Variants in RHEB observed in about 807,000 individuals in gnomAD.
RHEB encodes GTP-binding protein Rheb.
Under a neutral mutation model 28.8 loss-of-function variants are expected in RHEB, and 2 were observed. The observed-to-expected ratio is 0.07, with a 90% CI of 0.03 to 0.22. The LOEUF is 0.22. Among genes scored for constraint, RHEB ranks in the 10% least tolerant of loss-of-function variants. The pLI, the probability that RHEB is intolerant of heterozygous loss-of-function variation, is 1.00. For missense variants in RHEB, 76 were observed against 219.9 expected (o/e 0.35, Z 4.14); for synonymous variants, 69 against 77.3 (o/e 0.89, Z 0.56).
rs116121207 is a variant in RHEB, at chr7:151,489,085, C to T, written c.124+1858G>A. On this transcript the variant is annotated intron_variant, in intron 2 of 7. Transcript: ENST00000262187. ...CTGAGACTACAGGCACACACCATCA[C>T]GCCCAGCTAATTCCAGCTCAGTATG... 6.3e-3 allele frequency among the ~76,000 whole-genome samples: 962 copies of T among 152,274 alleles called. 5 individuals are homozygous for T. Among genetic ancestry groups the T allele is most frequent in the African/African-American group, 0.021 (870 of 41,550 alleles).
intron 1 of RHEB, among the ~76,000 whole-genome samples, chr7:151,492,522 C>G (rs1241712143): frequency 6.6e-6 from 1 of 150,538 alleles, no homozygotes; most frequent in Non-Finnish European, 1.5e-5. Context: ...GAGGCTGAGG[C>G]AGGAGGATAG....
At chr7:151,498,028 A>G (rs572788364) in intron 1 of RHEB, 17 of 966,414 alleles carry the variant, frequency 1.8e-5, no homozygotes, top group Middle Eastern at 2.4e-4. Context: ...ACACTTGACC[A>G]TGAAGATGAA....
chr7:151,512,298 A>G (rs1035100042), intron 1 of RHEB, among the ~76,000 whole-genome samples: 1 of 152,166 alleles, frequency 6.6e-6, no homozygotes, highest in Admixed American at 6.5e-5. Context: ...ACCTTCCACA[A>G]TCACAGGTAG....
At chr7:151,500,247 CT>C (rs1200427297) in intron 1 of RHEB, among the ~76,000 whole-genome samples, 1 of 152,026 alleles carries the variant, frequency 6.6e-6, no homozygotes, top group Non-Finnish European at 1.5e-5. Flanking sequence ...AAAAACTGGA[CT>C]TTTTTTAGTC....
intron 3 of RHEB, among the ~76,000 whole-genome samples, chr7:151,479,991 ATTAAAAGTACACTGCATTT>A (rs1197943924): frequency 1.3e-5 from 2 of 152,236 alleles, no homozygotes; most frequent in Non-Finnish European, 2.9e-5. Context: ...AAAGTGCATT[ATTAAAAGTACACTGCATTT>A]TTAAAAGTAC....
chr7:151,473,059 C>T (rs895113254), intron 4 of RHEB, among the ~76,000 whole-genome samples: 1 of 152,240 alleles, frequency 6.6e-6, no homozygotes, highest in African/African-American at 2.4e-5. Flanking sequence ...GCTCCCAGAT[C>T]TCCTGCTCTC....
At chr7:151,493,101 A>G (rs1188075801) in intron 1 of RHEB, among the ~76,000 whole-genome samples, 1 of 152,018 alleles carries the variant, frequency 6.6e-6, no homozygotes, top group Non-Finnish European at 1.5e-5. Context: ...TCGGCCTCCC[A>G]AAGTGCTGGG....
rs569330016 is a variant in RHEB at position 151,487,640 on chromosome 7, G to C, written c.125-2836C>G. On this transcript the variant is annotated intron_variant, in intron 2 of 7. Transcript: ENST00000262187. ...TCCATCTTGCTGTCATAGGAAAACT[G>C]CCAGTTTTTTACTATAGAAAAAAGG... 1.9e-3 allele frequency among the ~76,000 whole-genome samples: 288 copies of C among 152,212 alleles called. 2 individuals are homozygous for C. Among genetic ancestry groups the C allele is most frequent in the Non-Finnish European group, 2.8e-3 (190 of 68,004 alleles).
chr7:151,484,009 T>C (rs555952646), intron 3 of RHEB, among the ~76,000 whole-genome samples: 23 of 152,320 alleles, frequency 1.5e-4, no homozygotes, highest in Admixed American at 1.4e-3. Flanking sequence ...CATTATCTAC[T>C]GTCTATCAAA....
chr7:151,508,631 T>C (rs1187996756), intron 1 of RHEB, among the ~76,000 whole-genome samples: 1 of 136,792 alleles, frequency 7.3e-6, no homozygotes, highest in Non-Finnish European at 1.6e-5. Context: ...GGTTATATTT[T>C]TAGTTTTTTT....
intron 1 of RHEB, among the ~76,000 whole-genome samples, chr7:151,505,911 G>A (rs1802864872): frequency 6.6e-6 from 1 of 151,990 alleles, no homozygotes; most frequent in Admixed American, 6.5e-5. Context: ...ATGATTCGAT[G>A]TATGTGAAAT....
At chr7:151,467,233 A>G (rs771926122) in intron 7 of RHEB, 22 bp from the exon 8 acceptor site, 30 of 1,547,662 alleles carry the variant, frequency 1.9e-5, no homozygotes, top group Non-Finnish European at 2.4e-5. Flanking sequence ...AAGAAACCCA[A>G]TCACAGTGTT....
At chr7:151,503,298 T>TA (rs1266505242) in intron 1 of RHEB, 6 of 802,236 alleles carry the variant, frequency 7.5e-6, no homozygotes, top group Admixed American at 3.4e-5. Flanking sequence ...CTAACAACTA[T>TA]AAAAAATTTG....
intron 3 of RHEB, among the ~76,000 whole-genome samples, chr7:151,478,572 A>G (rs1053406989): frequency 6.6e-6 from 1 of 152,212 alleles, no homozygotes; most frequent in African/African-American, 2.4e-5. Flanking sequence ...ATGTCTAAGA[A>G]GCACTGAGTA....
intron 1 of RHEB, chr7:151,501,929 A>T (rs2150934451): frequency 1.4e-6 from 1 of 720,988 alleles, no homozygotes; most frequent in Admixed American, 1.8e-5. Context: ...CTGGAAGATC[A>T]AGAAGCTCAT....
At chr7:151,474,008 TG>T (rs535966314) in intron 4 of RHEB, among the ~76,000 whole-genome samples, 70 of 152,328 alleles carry the variant, frequency 4.6e-4, no homozygotes, top group African/African-American at 1.7e-3. Context: ...GAAGTCATAA[TG>T]GACAAATCGT....
intron 3 of RHEB, among the ~76,000 whole-genome samples, chr7:151,482,475 A>T (rs1165114072): frequency 6.6e-6 from 1 of 152,238 alleles, no homozygotes; most frequent in Non-Finnish European, 1.5e-5. Context: ...GTGTAACCCC[A>T]GGGCCCACAC....
At chr7:151,496,084 G>A (rs965874859) in intron 1 of RHEB, among the ~76,000 whole-genome samples, 1 of 152,194 alleles carries the variant, frequency 6.6e-6, no homozygotes, top group Admixed American at 6.5e-5. Context: ...TAGAACCGAT[G>A]TAATGCATCT....
chr7:151,489,050 C>T (rs567157467), intron 2 of RHEB, among the ~76,000 whole-genome samples: 2 of 152,306 alleles, frequency 1.3e-5, no homozygotes, highest in East Asian at 3.9e-4. Context: ...AAGTGATCCG[C>T]CTGTCTCAGC....
Sources: gnomAD v4.1 joint callset for allele counts (sites outside exome capture counted in the v4.1 genomes callset) on GRCh38, gnomAD v4.1.1 for gene constraint, MANE v1.5 for transcripts, NCBI Gene and HGNC (gene_info 2026-07-23, HGNC 2026-07-21) for gene names.